Variants in CHKA observed in about 807,000 individuals in gnomAD.
The protein encoded by CHKA is CHETK-alpha.
Under a neutral mutation model 60.1 loss-of-function variants are expected in CHKA, and 34 were observed. The observed-to-expected ratio is 0.57, with a 90% CI of 0.43 to 0.75. The LOEUF is 0.75. CHKA is among the 30% of genes least tolerant of loss of function. The pLI is 0.00. For missense variants in CHKA, 563 were observed against 561.3 expected (o/e 1.00, Z -0.03); for synonymous variants, 217 against 223.1 (o/e 0.97, Z 0.24).
At chr11:68,113,136 C>T (rs112141030) in intron 1 of CHKA, among the ~76,000 whole-genome samples, 1 of 26,232 alleles carries the variant, frequency 3.8e-5, no homozygotes, top group East Asian at 1.1e-3. Context: ...AAAAAAAAAA[C>T]AATTAAATTA....
At position 68,120,987 on chromosome 11, in the gene CHKA, G is replaced by A. The variant is rs898767014; in HGVS notation, c.191C>T (p.Pro64Leu). 20 of 1,119,800 alleles carry A rather than the reference G, an allele frequency of 1.8e-5. No individual in the cohort carries two copies. Among genetic ancestry groups the A allele is most frequent in the African/African-American group, 5.0e-5 (3 of 60,168 alleles). 69.4% of individuals were successfully genotyped at this position (1,119,800 alleles called of 1,614,324 possible). ...PLALPPPPPL[P>L]LPLPLPQPPP... ...GGGCTGGGGCAGCGGCAGCGGCAGC[G>A]GCAGCGGCGGCGGAGGGGGCAGCGC... Residue 64 changes from proline (P) to leucine (L), a missense_variant, in exon 1 of 12, where the codon CCG becomes CTG. Coordinates refer to ENST00000265689, the MANE Select transcript of CHKA (RefSeq NM_001277.3).
rs377176560 is a variant in CHKA at position 68,060,032 on chromosome 11, C to CTTTTTTTTT, written c.1314+1912_1314+1920dup. On this transcript the variant is annotated intron_variant, in intron 11 of 11. Coordinates refer to ENST00000265689, the MANE Select transcript of CHKA (RefSeq NM_001277.3). Reference sequence around the variant, plus strand: ...TTTGTTTCTGAGATAGAGTTTCACTCTTTTTTTTTTGAGACCCAGAGTCTC... The same window carrying CTTTTTTTTT: ...TTTGTTTCTGAGATAGAGTTTCACTCTTTTTTTTTTTTTTTTTTTGAGACCCAGAGTCTC... 3.7e-5 allele frequency among the ~76,000 whole-genome samples: 5 copies of CTTTTTTTTT among 134,186 alleles called. 1 individual carries two copies. Among genetic ancestry groups the CTTTTTTTTT allele is most frequent in the Non-Finnish European group, 6.3e-5 (4 of 63,240 alleles). The allele number at this position is 134,186 out of a possible 152,430, so 88.0% of individuals were successfully genotyped here.
chr11:68,074,274 G>C (rs1274011146), intron 4 of CHKA, among the ~76,000 whole-genome samples: 1 of 152,192 alleles, frequency 6.6e-6, no homozygotes, highest in Non-Finnish European at 1.5e-5. Context: ...AGGAAGATGG[G>C]AGGTAGGGAG....
At position 68,065,782 on chromosome 11, in the gene CHKA, C is replaced by T. The variant is rs1565174274; in HGVS notation, c.1125+4G>A. On this transcript the variant is annotated splice_donor_region_variant and intron_variant, in intron 9 of 11. Transcript: ENST00000265689. ...TATCAAGTATACAAAAACTCATCTC[C>T]TACCTGTTGTTTCTTGGTGGGATAC... 6.3e-7 allele frequency: 1 copy of T among 1,580,644 alleles called. No homozygotes were observed. Among genetic ancestry groups the T allele is most frequent in the Non-Finnish European group, 8.7e-7 (1 of 1,151,290 alleles).
rs1856291762 is a variant in CHKA at position 68,062,654 on chromosome 11, C to T, written c.1233-620G>A. ...AGGGCTCATCCACATGAAGATAAAG[C>T]TCAAATTTAGGAGTGCCTGCTCTAG... On this transcript the variant is annotated intron_variant, in intron 10 of 11. Transcript: ENST00000265689. 3.3e-5 allele frequency among the ~76,000 whole-genome samples: 5 copies of T among 152,216 alleles called. No homozygotes were observed. In the South Asian group the frequency reaches 1.0e-3, roughly 31 times the overall value.
At chr11:68,104,332 G>A (rs1462841983) in intron 1 of CHKA, among the ~76,000 whole-genome samples, 1 of 152,010 alleles carries the variant, frequency 6.6e-6, no homozygotes, top group Non-Finnish European at 1.5e-5. Context: ...CGAGGGGAGG[G>A]GAGACAGGGA....
intron 1 of CHKA, among the ~76,000 whole-genome samples, chr11:68,104,507 G>A (rs1014328545): frequency 6.6e-5 from 10 of 151,880 alleles, no homozygotes; most frequent in African/African-American, 2.2e-4. Context: ...CGCAACCTCC[G>A]CCTCTCAGGT....
At chr11:68,111,540 T>C (rs1268858960) in intron 1 of CHKA, among the ~76,000 whole-genome samples, 2 of 151,884 alleles carry the variant, frequency 1.3e-5, no homozygotes, top group East Asian at 3.9e-4. Context: ...GATCATGCCA[T>C]TGTACTCCAG....
intron 4 of CHKA, among the ~76,000 whole-genome samples, chr11:68,074,016 T>A (rs962078533): frequency 6.6e-6 from 1 of 152,118 alleles, no homozygotes; most frequent in Admixed American, 6.6e-5. Context: ...TTAGGGTTCA[T>A]GAGAACCTCT....
intron 4 of CHKA, among the ~76,000 whole-genome samples, chr11:68,072,939 G>A (rs930746916): frequency 6.6e-6 from 1 of 152,132 alleles, no homozygotes; most frequent in Non-Finnish European, 1.5e-5. Context: ...AGGCTGCAGT[G>A]AGCTATGATC....
intron 1 of CHKA, among the ~76,000 whole-genome samples, chr11:68,115,743 G>C (rs1700878406): frequency 1.3e-5 from 2 of 152,078 alleles, no homozygotes; most frequent in Admixed American, 6.6e-5. Context: ...GAAAGAAAAA[G>C]AAAGCCAGCA....
chr11:68,086,578 C>G (rs1044656935), intron 2 of CHKA, among the ~76,000 whole-genome samples: 4 of 152,178 alleles, frequency 2.6e-5, no homozygotes, highest in Non-Finnish European at 5.9e-5. Context: ...TGAATAAAGC[C>G]CCATTTGGGA....
At chr11:68,094,001 A>G (rs1001771123) in intron 2 of CHKA, among the ~76,000 whole-genome samples, 1 of 152,228 alleles carries the variant, frequency 6.6e-6, no homozygotes, top group Non-Finnish European at 1.5e-5. Flanking sequence ...ACTGTTCTAG[A>G]GCACAGGATT....
chr11:68,120,859 G>A lies in CHKA; in HGVS notation c.319C>T (p.Arg107Cys). Reference protein sequence around the residue: ...EFLPGAWRGLREDEFHISVIR... With the variant: ...EFLPGAWRGLCEDEFHISVIR... ...ACACTGATGTGGAACTCGTCCTCGCGGAGGCCCCGCCAGGCGCCGGGCAGG... is the reference window on the plus strand; with the variant it reads ...ACACTGATGTGGAACTCGTCCTCGCAGAGGCCCCGCCAGGCGCCGGGCAGG... Residue 107 changes from arginine to cysteine, a missense_variant, in exon 1 of 12, where the codon CGC becomes TGC. Transcript: ENST00000265689. 1 of 1,345,498 alleles carries A rather than the reference G, an allele frequency of 7.4e-7. No individual in the cohort carries two copies. The highest frequency in any genetic ancestry group is 9.7e-7 in the Non-Finnish European group (1 of 1,033,144). The allele number at this position is 1,345,498 out of a possible 1,614,324, so 83.3% of individuals were successfully genotyped here.
intron 3 of CHKA, among the ~76,000 whole-genome samples, chr11:68,080,429 C>T (rs1314374582): frequency 6.6e-6 from 1 of 152,008 alleles, no homozygotes; most frequent in Non-Finnish European, 1.5e-5. Flanking sequence ...TCTACTGCAA[C>T]CTCCGCCTCC....
chr11:68,109,032 C>A (rs1039187034), intron 1 of CHKA, among the ~76,000 whole-genome samples: 16 of 151,894 alleles, frequency 1.1e-4, no homozygotes, highest in Non-Finnish European at 2.2e-4. Context: ...GGAAAAAATC[C>A]CTTCATGCTT....
intron 1 of CHKA, among the ~76,000 whole-genome samples, chr11:68,109,290 C>T (rs912258494): frequency 1.6e-4 from 25 of 151,948 alleles, no homozygotes; most frequent in African/African-American, 4.8e-4. Flanking sequence ...GGAGTTTCAC[C>T]GTGTTAGCCA....
chr11:68,057,371 G>A (rs536182496), intron 11 of CHKA, among the ~76,000 whole-genome samples: 1 of 152,192 alleles, frequency 6.6e-6, no homozygotes, highest in Non-Finnish European at 1.5e-5. Flanking sequence ...CCAGGCCAGA[G>A]TGCAGTGGCA....
intron 1 of CHKA, among the ~76,000 whole-genome samples, chr11:68,110,605 T>A (rs1858095730): frequency 6.6e-6 from 1 of 152,212 alleles, no homozygotes; most frequent in African/African-American, 2.4e-5. Context: ...CTCAATATTA[T>A]CAAGATGTCG....
Sources: gnomAD v4.1 joint callset for allele counts (sites outside exome capture counted in the v4.1 genomes callset) on GRCh38, gnomAD v4.1.1 for gene constraint, MANE v1.5 for transcripts, NCBI Gene and HGNC (gene_info 2026-07-23, HGNC 2026-07-21) for gene names.